The following STK32C variants were observed in gnomAD, a reference collection of about 807,000 sequenced individuals.
STK32C encodes serine/threonine kinase 32C.
In STK32C, 31 loss-of-function variants were observed where a neutral mutation model predicts 56.5. That is an observed-to-expected ratio of 0.55 (90% CI 0.41 to 0.74). The LOEUF (loss-of-function observed/expected upper bound fraction) is 0.74, where lower values mean the gene tolerates loss of function less well. Among genes scored for constraint, STK32C ranks in the 30% least tolerant of loss-of-function variants. STK32C has a pLI of 0.00. For missense variants in STK32C, 544 were observed against 676.9 expected, an observed-to-expected ratio of 0.80 and a Z score of 2.18; for synonymous variants, 309 against 289.4, an observed-to-expected ratio of 1.07 and a Z score of -0.69.
intron 1 of STK32C, among the ~76,000 whole-genome samples, chr10:132,246,471 A>C (rs1452201209): frequency 2.0e-5 from 3 of 152,168 alleles, no homozygotes; most frequent in Non-Finnish European, 4.4e-5. Context: ...GGAGTCTGCA[A>C]ACGGCCCCAA....
chr10:132,301,282 C>T (rs928955510), intron 1 of STK32C, among the ~76,000 whole-genome samples: 2 of 152,184 alleles, frequency 1.3e-5, no homozygotes, highest in African/African-American at 2.4e-5. Flanking sequence ...TGGTCCTCCA[C>T]TAATGTGAAC....
At chr10:132,323,705 A>G (rs1231041970), downstream of STK32C, among the ~76,000 whole-genome samples, 1 of 152,194 alleles carries the variant, frequency 6.6e-6, no homozygotes, top group Non-Finnish European at 1.5e-5. The surrounding 1 kb of genome is among the most constrained non-coding windows in gnomAD (Gnocchi z 4.8). Context: ...ACCATTTTGC[A>G]CCCAAGTCTC....
At chr10:132,275,003 C>G (rs1006166049) in intron 1 of STK32C, among the ~76,000 whole-genome samples, 2 of 152,196 alleles carry the variant, frequency 1.3e-5, no homozygotes, top group Non-Finnish European at 2.9e-5. Flanking sequence ...CCAGCCCCAG[C>G]TTCTGAGGGC....
intron 1 of STK32C, among the ~76,000 whole-genome samples, chr10:132,326,188 C>T (rs1393820062): frequency 6.6e-6 from 1 of 152,216 alleles, no homozygotes; most frequent in Non-Finnish European, 1.5e-5. Context: ...CCACAAAAGA[C>T]AGCTTTGCAG....
At chr10:132,236,271 T>C (rs1262183871) in intron 2 of STK32C, among the ~76,000 whole-genome samples, 1 of 152,240 alleles carries the variant, frequency 6.6e-6, no homozygotes, top group Non-Finnish European at 1.5e-5. Flanking sequence ...ACCTGGGCTC[T>C]GGGCCCACGC....
intron 1 of STK32C, among the ~76,000 whole-genome samples, chr10:132,250,543 A>G (rs1340015095): frequency 8.2e-5 from 10 of 122,606 alleles, no homozygotes; most frequent in Non-Finnish European, 1.5e-4. Flanking sequence ...GGGACAGGTC[A>G]CTGCAGAGAG....
chr10:132,255,884 C>T lies in STK32C; in HGVS notation c.263-9929G>A, dbSNP rs2138027918. On this transcript the variant is annotated intron_variant, in intron 1 of 11. Transcript: ENST00000298630. This position sits in a 1 kb window ranked among gnomAD's most constrained non-coding sequence, Gnocchi z 4.6. ...CCCAGCTGGCCACCTTCTCCTTCTCCACCGTCCCCTCACCCAGGGGCAGAC... is the reference window on the plus strand; with the variant it reads ...CCCAGCTGGCCACCTTCTCCTTCTCTACCGTCCCCTCACCCAGGGGCAGAC... Among the ~76,000 whole-genome samples, 1 of 152,354 alleles carries T rather than the reference C, an allele frequency of 6.6e-6. No homozygotes were observed. Among genetic ancestry groups the T allele is most frequent in the South Asian group, 2.1e-4 (1 of 4,826 alleles).
chr10:132,238,971 TCCTCAGTGC>T (rs2063401148), intron 2 of STK32C, among the ~76,000 whole-genome samples: 1 of 152,078 alleles, frequency 6.6e-6, no homozygotes, highest in Non-Finnish European at 1.5e-5. Flanking sequence ...CCCTGTCGGG[TCCTCAGTGC>T]TCCTGAAACC....
chr10:132,265,286 G>A (rs35638673), intron 1 of STK32C, among the ~76,000 whole-genome samples: 9 of 148,062 alleles, frequency 6.1e-5, no homozygotes, highest in South Asian at 4.4e-4. Flanking sequence ...GCAGCCACCC[G>A]GGGGACACTC....
intron 1 of STK32C, among the ~76,000 whole-genome samples, chr10:132,297,563 T>C (rs907612541): frequency 6.6e-6 from 1 of 152,234 alleles, no homozygotes; most frequent in South Asian, 2.1e-4. Flanking sequence ...TCTTTTTCCC[T>C]CTTTCAGTCA....
intron 1 of STK32C, among the ~76,000 whole-genome samples, chr10:132,301,726 G>A (rs895894398): frequency 1.3e-5 from 2 of 152,258 alleles, no homozygotes; most frequent in Non-Finnish European, 2.9e-5. Context: ...TCGGCCACGT[G>A]TGGAGAAGGC....
intron 1 of STK32C, among the ~76,000 whole-genome samples, chr10:132,305,114 TTCAACCCCAAAAA>T (rs2066020967): frequency 6.6e-6 from 1 of 152,060 alleles, no homozygotes; most frequent in Non-Finnish European, 1.5e-5. Flanking sequence ...CCTAACCAAG[TTCAACCCCAAAAA>T]TGAATTTTTC....
intron 1 of STK32C, among the ~76,000 whole-genome samples, chr10:132,267,036 G>A (rs573047247): frequency 4.8e-4 from 73 of 152,130 alleles, no homozygotes; most frequent in Non-Finnish European, 7.5e-4. Flanking sequence ...CGCCCACCCC[G>A]CTGCAGTGGG....
chr10:132,227,505 CGTG>C lies in STK32C; in HGVS notation c.470+469_470+471del, dbSNP rs556210434. On this transcript the variant is annotated intron_variant, in intron 3 of 11. Coordinates refer to ENST00000298630, the MANE Select transcript of STK32C (RefSeq NM_173575.4). ...TGATGGTGATAACAGTGATTGTGGTCGTGGTGGTGGTGGTAATGGTGGTGACAA... is the reference window on the plus strand; with the variant it reads ...TGATGGTGATAACAGTGATTGTGGTCGTGGTGGTGGTAATGGTGGTGACAA... 4.5e-3 allele frequency among the ~76,000 whole-genome samples: 687 copies of C among 151,028 alleles called. 1 individual carries two copies. The highest frequency in any genetic ancestry group is 7.2e-3 in the African/African-American group (294 of 41,056).
chr10:132,293,653 A>G (rs1044835482), intron 1 of STK32C, among the ~76,000 whole-genome samples: 11 of 152,200 alleles, frequency 7.2e-5, no homozygotes, highest in Admixed American at 7.2e-4. Context: ...CGGCTACAGC[A>G]GAGGGAACGC....
At chr10:132,247,486 G>C (rs1460137596) in intron 1 of STK32C, among the ~76,000 whole-genome samples, 1 of 152,196 alleles carries the variant, frequency 6.6e-6, no homozygotes, top group Non-Finnish European at 1.5e-5. Context: ...CGAGCACAGG[G>C]CAGAGCTGGC....
At chr10:132,287,653 A>G (rs545185179) in intron 1 of STK32C, among the ~76,000 whole-genome samples, 11 of 151,566 alleles carry the variant, frequency 7.3e-5, no homozygotes, top group Non-Finnish European at 1.6e-4. Context: ...GGGTTTCACC[A>G]TGTTGGCCAG....
chr10:132,253,270 T>A (rs2063971133), intron 1 of STK32C, among the ~76,000 whole-genome samples: 1 of 152,172 alleles, frequency 6.6e-6, no homozygotes, highest in Admixed American at 6.5e-5. Context: ...CATGTCTGCC[T>A]GGAAGGTCCT....
chr10:132,241,459 T>G (rs953510511), intron 2 of STK32C, among the ~76,000 whole-genome samples: 1 of 152,036 alleles, frequency 6.6e-6, no homozygotes, highest in African/African-American at 2.4e-5. Context: ...CGGAACAAAA[T>G]GTGAAGAATC....
Sources: gnomAD v4.1 joint callset for allele counts (sites outside exome capture counted in the v4.1 genomes callset) on GRCh38, gnomAD v4.1.1 for gene constraint, Gnocchi (gnomAD v3.1) non-coding constraint, MANE v1.5 for transcripts, NCBI Gene and HGNC (gene_info 2026-07-23, HGNC 2026-07-21) for gene names.